The following CDK12 variants were observed in gnomAD, a reference collection of about 807,000 sequenced individuals.
The protein encoded by CDK12 is cyclin dependent kinase 12.
CDK12 carries 17 observed loss-of-function variants against 133.8 expected under a neutral mutation model. The ratio of observed to expected loss-of-function variants is 0.13; its 90% CI spans 0.09 to 0.19. The LOEUF is 0.19. Ranked by LOEUF, CDK12 falls within the 10% of genes least tolerant of loss-of-function variation. The pLI is 1.00. For missense variants in CDK12, 1,508 were observed against 1,818.7 expected (o/e 0.83, Z 3.11); for synonymous variants, 694 against 683.6 (o/e 1.02, Z -0.24).
chr17:39,496,257 A>C (rs997950442), intron 5 of CDK12, among the ~76,000 whole-genome samples: 2 of 152,160 alleles, frequency 1.3e-5, no homozygotes, highest in Non-Finnish European at 2.9e-5. Context: ...ATTTTAACAA[A>C]GCTGAGATTA....
downstream of CDK12, among the ~76,000 whole-genome samples, chr17:39,565,736 C>T (rs1198052060): frequency 6.6e-6 from 1 of 152,174 alleles, no homozygotes; most frequent in African/African-American, 2.4e-5. Flanking sequence ...GCCCAGCTTC[C>T]CTCTCATATT....
At chr17:39,537,157 G>A (rs2055169452), downstream of CDK12, among the ~76,000 whole-genome samples, 1 of 152,132 alleles carries the variant, frequency 6.6e-6, no homozygotes, top group African/African-American at 2.4e-5. Flanking sequence ...TACCTAAGGG[G>A]CCTATCTGAT....
intron 2 of CDK12, among the ~76,000 whole-genome samples, chr17:39,477,585 T>A (rs1453853781): frequency 6.7e-6 from 1 of 148,462 alleles, no homozygotes; most frequent in African/African-American, 2.5e-5. Flanking sequence ...TTTTTTTTTT[T>A]TTTTTGAGTC....
chr17:39,498,343 A>G (rs1443920407), intron 5 of CDK12, among the ~76,000 whole-genome samples: 5 of 151,172 alleles, frequency 3.3e-5, no homozygotes, highest in South Asian at 2.1e-4. Flanking sequence ...TCCTGCCTCA[A>G]CCTCCCAAGT....
intron 1 of CDK12, among the ~76,000 whole-genome samples, chr17:39,468,022 C>CAGCT (rs2049481859): frequency 6.6e-6 from 1 of 151,226 alleles, no homozygotes. Context: ...GCCTCCCGAG[C>CAGCT]AGCTGGGATT....
In CDK12 at chr17:39,462,860, G is replaced by C; in HGVS notation, c.789G>C (p.Lys263Asn). Reference protein sequence around the residue: ...SHTSSNYDSYKKSPGSTSRRQ... With the variant: ...SHTSSNYDSYNKSPGSTSRRQ... ...CCTCGAGCAATTATGACTCCTACAA[G>C]AAAAGTCCTGGAAGTACCTCGAGAA... The change falls in exon 1 of 14, where the codon AAG (lysine) becomes AAC (asparagine). Residue 263 changes from lysine (K) to asparagine (N), a missense_variant. Coordinates refer to ENST00000447079, the MANE Select transcript of CDK12 (RefSeq NM_016507.4). The C allele has an allele frequency of 1.9e-6, 3 of 1,614,134 alleles. No individual in the cohort carries two copies. Among genetic ancestry groups the C allele is most frequent in the Non-Finnish European group, 2.5e-6 (3 of 1,180,024 alleles).
Position 39,462,939 on chromosome 17 carries a change from C to G in CDK12, c.868C>G (p.Arg290Gly). The change falls in exon 1 of 14, where the codon CGG becomes GGG. Residue 290 changes from arginine (R) to glycine (G), a missense_variant. Physicochemically the swap from Arg to Gly is moderately radical, Grantham distance 125 (BLOSUM62 -2). Around this residue, in one of 9 missense-constraint regions of CDK12, gnomAD observed 460 missense variants for 490.8 expected, o/e 0.94. Coordinates refer to ENST00000447079, the MANE Select transcript of CDK12 (RefSeq NM_016507.4). The part of the protein sequence containing the change: ...KEPSAYQSST[R>G]SPSPYSRRQR... ...GCCTTCGGCCTACCAGTCCAGCACC[C>G]GGTCACCGAGCCCCTACAGTAGGCG... 6.2e-7 allele frequency: 1 copy of G among 1,614,220 alleles called. No individual in the cohort carries two copies. The highest frequency in any genetic ancestry group is 8.5e-7 in the Non-Finnish European group (1 of 1,180,036).
chr17:39,520,909 G>A (rs529789567), intron 11 of CDK12, among the ~76,000 whole-genome samples: 1 of 152,100 alleles, frequency 6.6e-6, no homozygotes, highest in East Asian at 1.9e-4. Flanking sequence ...GTACAATGGC[G>A]CAATCTCAGC....
chr17:39,461,748 C>A lies in CDK12; in HGVS notation c.-324C>A. The A allele has an allele frequency of 2.6e-6, 1 of 388,190 alleles. No homozygotes were observed. The highest frequency in any genetic ancestry group is 4.7e-6 in the Non-Finnish European group (1 of 212,146). 24.0% of individuals were successfully genotyped at this position (388,190 alleles called of 1,614,324 possible). On this transcript the variant is annotated 5_prime_UTR_variant, in exon 1 of 14. Transcript: ENST00000447079. ...ACAGCCCCGGGCCGTCGGCTTCTCA[C>A]TTCCTGGACCTCCCCGGCGCCCGGG...
chr17:39,497,503 A>G (rs1383154893), intron 5 of CDK12, among the ~76,000 whole-genome samples: 1 of 151,844 alleles, frequency 6.6e-6, no homozygotes, highest in Non-Finnish European at 1.5e-5. Flanking sequence ...AGATTGAGTT[A>G]CTGCACTTTA....
chr17:39,488,146 G>T (rs1426826035), intron 2 of CDK12, among the ~76,000 whole-genome samples: 1 of 151,528 alleles, frequency 6.6e-6, no homozygotes, highest in Admixed American at 6.6e-5. Context: ...AGGTGAAAGT[G>T]TTGCTTGAGC....
intron 6 of CDK12, among the ~76,000 whole-genome samples, chr17:39,502,949 A>G (rs2052828754): frequency 6.6e-6 from 1 of 152,174 alleles, no homozygotes; most frequent in African/African-American, 2.4e-5. Context: ...TGCATGCCCC[A>G]CTGAGGAACT....
At chr17:39,547,583 G>T (rs979947897), upstream of CDK12, among the ~76,000 whole-genome samples, 1 of 152,176 alleles carries the variant, frequency 6.6e-6, no homozygotes. Flanking sequence ...CTCATTCCCA[G>T]ATGCCTCCAG....
Position 39,531,582 on chromosome 17 carries a change from G to C in CDK12, c.*266G>C, listed in dbSNP as rs1402176648. On this transcript the variant is annotated 3_prime_UTR_variant, in exon 14 of 14. Transcript: ENST00000447079. ...AGATACAAGTAGAGAATATGGAGAG[G>C]ATCATTACATTGAAAAGTAAATGTT... The C allele has an allele frequency of 5.4e-6, 2 of 367,284 alleles. No individual in the cohort carries two copies. 22.8% of individuals were successfully genotyped at this position (367,284 alleles called of 1,614,324 possible). A position where few individuals can be genotyped will look rare whatever the true frequency, so the allele number is the denominator to read the frequency against.
At chr17:39,483,565 G>GA (rs373502513) in intron 2 of CDK12, among the ~76,000 whole-genome samples, 73 of 152,028 alleles carry the variant, frequency 4.8e-4, no homozygotes, top group African/African-American at 1.7e-3. Flanking sequence ...TGCCTGGTCT[G>GA]AAATCATGTT....
Position 39,462,209 on chromosome 17 carries a change from G to A in CDK12, c.138G>A (p.Lys46=). The change falls in exon 1 of 14, where the codon AAG becomes AAA. Residue 46 remains lysine (K), a synonymous_variant. Transcript: ENST00000447079. ...TGGTATCGAAGCACAAGCGGCATAA[G>A]TCCAAACACTCCAAAGACATGGGGT... ...HRLVSKHKRH[K]SKHSKDMGLV... The A allele has an allele frequency of 6.2e-7, 1 of 1,614,202 alleles. No homozygotes were observed. Among genetic ancestry groups the A allele is most frequent in the Non-Finnish European group, 8.5e-7 (1 of 1,180,028 alleles).
At chr17:39,490,240 G>A (rs2051476897) in intron 2 of CDK12, among the ~76,000 whole-genome samples, 1 of 151,538 alleles carries the variant, frequency 6.6e-6, no homozygotes, top group Non-Finnish European at 1.5e-5. Flanking sequence ...GGTGGCACAC[G>A]CCTGTAATCC....
intron 2 of CDK12, among the ~76,000 whole-genome samples, chr17:39,488,642 T>C (rs1386568582): frequency 2.0e-5 from 3 of 152,230 alleles, no homozygotes; most frequent in East Asian, 3.8e-4. Context: ...TGAGCTCTTC[T>C]TGTTTGTTAA....
At chr17:39,526,992 G>C (rs917760970) in intron 13 of CDK12, among the ~76,000 whole-genome samples, 2 of 152,224 alleles carry the variant, frequency 1.3e-5, no homozygotes, top group Non-Finnish European at 2.9e-5. Context: ...AATCTCACAT[G>C]ACCATAGCGT....
Sources: gnomAD v4.1 joint callset for allele counts (sites outside exome capture counted in the v4.1 genomes callset) on GRCh38, gnomAD v4.1.1 for gene constraint, gnomAD v4.1.1 regional missense constraint, MANE v1.5 for transcripts, NCBI Gene and HGNC (gene_info 2026-07-23, HGNC 2026-07-21) for gene names.